The following MACO1 variants were observed in gnomAD, a reference collection of about 807,000 sequenced individuals.
MACO1 encodes macoilin 1.
In MACO1, 14 loss-of-function variants were observed where a neutral mutation model predicts 78.7. The ratio of observed to expected loss-of-function variants is 0.18; its 90% CI spans 0.12 to 0.28. The LOEUF (loss-of-function observed/expected upper bound fraction) is 0.28. MACO1 is among the 10% of genes least tolerant of loss of function. The probability of loss-of-function intolerance (pLI) is 1.00; values close to 1 mark genes in which losing one functional copy is unlikely to be tolerated. For synonymous variants in MACO1, 288 were observed against 291.6 expected (o/e 0.99, Z 0.12); for missense variants, 501 against 799.0 (o/e 0.63, Z 4.50).
intron 6 of MACO1, among the ~76,000 whole-genome samples, chr1:25,460,127 G>A (rs1187647988): frequency 2.0e-5 from 3 of 152,112 alleles, no homozygotes; most frequent in African/African-American, 7.2e-5. Context: ...GGTATATTTG[G>A]GTTCTACTAA....
Position 25,498,337 on chromosome 1 carries a change from C to G in MACO1, c.1866C>G (p.Pro622=). 6.2e-7 allele frequency: 1 copy of G among 1,614,114 alleles called. No homozygotes were observed. The highest frequency in any genetic ancestry group is 8.5e-7 in the Non-Finnish European group (1 of 1,180,016). ...TAGCCGAAGTCATGGCCGTCATGCC[C>G]AGCATAACATACAGTGCCGCCACCA... ...QKIAEVMAVM[P]SITYSAATSP... is the part of the protein sequence containing the mutation. Residue 622 remains proline, a synonymous_variant, in exon 11 of 11, where the codon CCC becomes CCG. Transcript: ENST00000374343.
chr1:25,456,987 C>A (rs1343043487), intron 5 of MACO1, among the ~76,000 whole-genome samples, 156 bp downstream of exon 5: 2 of 151,968 alleles, frequency 1.3e-5, no homozygotes, highest in Non-Finnish European at 2.9e-5. Flanking sequence ...CAATGAAATA[C>A]AGATGGTGAA....
chr1:25,495,030 G>C (rs1023571203), intron 10 of MACO1, among the ~76,000 whole-genome samples: 1 of 152,160 alleles, frequency 6.6e-6, no homozygotes, highest in Non-Finnish European at 1.5e-5. Context: ...CTGTGGACTC[G>C]AGGAAAGGCA....
At chr1:25,496,230 C>T (rs1305426549) in intron 10 of MACO1, among the ~76,000 whole-genome samples, 1 of 151,808 alleles carries the variant, frequency 6.6e-6, no homozygotes, top group Non-Finnish European at 1.5e-5. Context: ...TCACTACAAC[C>T]TCCGCCTTCT....
chr1:25,489,153 C>T lies in MACO1; in HGVS notation c.1497-20C>T, dbSNP rs778444274. The T allele has an allele frequency of 6.2e-7, 1 of 1,610,498 alleles. No homozygotes were observed. Among genetic ancestry groups the T allele is most frequent in the Non-Finnish European group, 8.5e-7 (1 of 1,178,616 alleles). On this transcript the variant is annotated intron_variant, in intron 8 of 10. Transcript: ENST00000374343. ...ATAGTCTTTTAAATCACTTTATTTC[C>T]TTCTCTTCTTTTTCAAAAGGGGAGA...
chr1:25,480,932 AT>A (rs1557673319), intron 6 of MACO1, among the ~76,000 whole-genome samples: 911 of 72,138 alleles, frequency 0.013, 8 homozygotes, highest in Non-Finnish European at 0.018. Flanking sequence ...AAAAAAAAAT[AT>A]ATATATATAT....
At chr1:25,490,845 T>C (rs975151448) in intron 9 of MACO1, among the ~76,000 whole-genome samples, 1 of 152,206 alleles carries the variant, frequency 6.6e-6, no homozygotes, top group African/African-American at 2.4e-5. Context: ...AAAAGAAATA[T>C]TAAATTTTTT....
At position 25,454,470 on chromosome 1, in the gene MACO1, G is replaced by GTATATATATATATA. The variant is rs1480003093; in HGVS notation, c.473+94_473+107dup. The GTATATATATATATA allele has an allele frequency of 2.9e-4, 25 of 86,674 alleles. 1 individual carries two copies. Among genetic ancestry groups the GTATATATATATATA allele is most frequent in the South Asian group, 8.2e-4 (1 of 1,220 alleles). The allele number at this position is 86,674 out of a possible 1,614,324, so 5.4% of individuals were successfully genotyped here. On this transcript the variant is annotated intron_variant, in intron 4 of 10. Coordinates refer to ENST00000374343, the MANE Select transcript of MACO1 (RefSeq NM_018202.6). ...TGTGTGTGTGTGTGTGTGTGTGTGT[G>GTATATATATATATA]TATATATATATATATATATTTTTTT...
intron 1 of MACO1, among the ~76,000 whole-genome samples, chr1:25,441,347 T>A (rs1023037740): frequency 6.6e-6 from 1 of 152,188 alleles, no homozygotes; most frequent in Non-Finnish European, 1.5e-5. Context: ...TCTGCCTGGC[T>A]AATTTTTTTG....
At chr1:25,463,899 G>C (rs2043192637) in intron 6 of MACO1, among the ~76,000 whole-genome samples, 1 of 152,300 alleles carries the variant, frequency 6.6e-6, no homozygotes, top group South Asian at 2.1e-4. Flanking sequence ...GGAAGATACA[G>C]ATTTCTCATA....
At chr1:25,480,957 T>A (rs1466179734) in intron 6 of MACO1, among the ~76,000 whole-genome samples, 3,465 of 123,392 alleles carry the variant, frequency 0.028, 464 homozygotes, top group African/African-American at 0.092. Context: ...TATATATATA[T>A]ATATATATAT....
intron 2 of MACO1, among the ~76,000 whole-genome samples, chr1:25,447,459 ACAT>A (rs1161434741): frequency 1.3e-5 from 2 of 152,242 alleles, no homozygotes; most frequent in Non-Finnish European, 2.9e-5. Flanking sequence ...ATGCACTTAA[ACAT>A]CATAATAAGC....
intron 6 of MACO1, among the ~76,000 whole-genome samples, chr1:25,471,253 C>G (rs2043267351): frequency 6.6e-6 from 1 of 151,280 alleles, no homozygotes; most frequent in Non-Finnish European, 1.5e-5. Context: ...GCATGCAACT[C>G]ACTTGAACCT....
intron 1 of MACO1, among the ~76,000 whole-genome samples, chr1:25,432,226 T>C (rs1430748502): frequency 6.6e-6 from 1 of 152,192 alleles, no homozygotes; most frequent in Non-Finnish European, 1.5e-5. Context: ...TTTCAAGAAA[T>C]ATGTGAGGTA....
At chr1:25,432,471 AG>A (rs1284506566) in intron 1 of MACO1, among the ~76,000 whole-genome samples, 2 of 152,274 alleles carry the variant, frequency 1.3e-5, no homozygotes, top group Non-Finnish European at 2.9e-5. Context: ...ACTATGTGCC[AG>A]GAACATTTCT....
chr1:25,491,666 T>G, intron 10 of MACO1, 82 bp downstream of exon 10: 1 of 1,228,864 alleles, frequency 8.1e-7, no homozygotes. Flanking sequence ...CTGAGAGCTC[T>G]CAACCAAGGG....
chr1:25,446,356 T>C (rs1343337595), intron 1 of MACO1, among the ~76,000 whole-genome samples: 1 of 152,146 alleles, frequency 6.6e-6, no homozygotes, highest in Non-Finnish European at 1.5e-5. Flanking sequence ...CAAACAGATG[T>C]ATAGGGGTGG....
chr1:25,476,874 A>G (rs2043325479), intron 6 of MACO1, among the ~76,000 whole-genome samples: 2 of 152,234 alleles, frequency 1.3e-5, no homozygotes, highest in Admixed American at 1.3e-4. Flanking sequence ...TGCTGTAGAT[A>G]GGTTTCCAGA....
chr1:25,469,632 A>C (rs1476716211), intron 6 of MACO1, among the ~76,000 whole-genome samples: 1 of 138,686 alleles, frequency 7.2e-6, no homozygotes, highest in Admixed American at 7.1e-5. Flanking sequence ...GTAACCTCTG[A>C]CTTTTTTTTT....
Sources: allele counts gnomAD v4.1 joint callset (sites outside exome capture counted in the v4.1 genomes callset), GRCh38; gene constraint gnomAD v4.1.1; transcripts MANE v1.5; gene names NCBI Gene and HGNC (gene_info 2026-07-23, HGNC 2026-07-21).